The following FGF14 variants were observed in gnomAD, a reference collection of about 807,000 sequenced individuals.
FGF14 encodes the protein fibroblast growth factor 14, also known as fibroblast growth factor homologous factor 4.
Under a neutral mutation model 25.5 loss-of-function variants are expected in FGF14, and 5 were observed. The observed-to-expected ratio is 0.20, with a 90% confidence interval of 0.10 to 0.41. The LOEUF (loss-of-function observed/expected upper bound fraction) is 0.41, where lower values mean the gene tolerates loss of function less well. Among genes scored for constraint, FGF14 ranks in the 10% least tolerant of loss-of-function variants. FGF14 has a pLI of 1.00. For missense variants in FGF14, 222 were observed against 320.1 expected, an observed-to-expected ratio of 0.69 and a Z score of 2.34; for synonymous variants, 138 against 118.3, an observed-to-expected ratio of 1.17 and a Z score of -1.08.
At chr13:101,890,403 A>G (rs2138882506) in intron 1 of FGF14, among the ~76,000 whole-genome samples, 1 of 152,190 alleles carries the variant, frequency 6.6e-6, no homozygotes, top group South Asian at 2.1e-4. Context: ...GACTTGTAAA[A>G]ACCTTTCTGT....
At chr13:102,195,861 G>A (rs532935386) in intron 1 of FGF14, among the ~76,000 whole-genome samples, 10 of 150,958 alleles carry the variant, frequency 6.6e-5, no homozygotes, top group Non-Finnish European at 1.2e-4. Context: ...AATGGCAGAT[G>A]TAAAGCTTAC....
intron 1 of FGF14, among the ~76,000 whole-genome samples, chr13:101,887,457 G>T (rs1338197803): frequency 1.3e-5 from 2 of 151,868 alleles, no homozygotes; most frequent in Admixed American, 1.3e-4. Context: ...GCAGCAACAT[G>T]GATGGAACTG....
At chr13:102,112,866 T>C (rs1385386136) in intron 1 of FGF14, among the ~76,000 whole-genome samples, 2 of 152,198 alleles carry the variant, frequency 1.3e-5, no homozygotes, top group African/African-American at 2.4e-5. Flanking sequence ...AATTTTCTCA[T>C]GGCTCTCTCA....
chr13:101,915,209 T>C (rs2033342969), intron 1 of FGF14, among the ~76,000 whole-genome samples: 2 of 152,176 alleles, frequency 1.3e-5, no homozygotes, highest in South Asian at 4.1e-4. Context: ...CAAGAAATTG[T>C]CCTTTTAAAA....
At chr13:102,226,023 C>A (rs996116447) in intron 1 of FGF14, among the ~76,000 whole-genome samples, 2 of 152,122 alleles carry the variant, frequency 1.3e-5, no homozygotes, top group Admixed American at 6.6e-5. Flanking sequence ...CAGTTGACAT[C>A]GACATTGACA....
At chr13:102,025,016 C>CAT (rs144976455) in intron 1 of FGF14, among the ~76,000 whole-genome samples, 29 of 150,348 alleles carry the variant, frequency 1.9e-4, no homozygotes, top group South Asian at 6.3e-4. Flanking sequence ...CACAGACATG[C>CAT]ATATATATAT....
At chr13:101,944,354 T>A (rs1460523258) in intron 1 of FGF14, among the ~76,000 whole-genome samples, 1 of 152,150 alleles carries the variant, frequency 6.6e-6, no homozygotes, top group Non-Finnish European at 1.5e-5. Context: ...TATTTACATA[T>A]TATTTTTTTC....
chr13:102,031,367 T>C (rs138134294), intron 1 of FGF14, among the ~76,000 whole-genome samples: 21 of 152,236 alleles, frequency 1.4e-4, no homozygotes, highest in African/African-American at 4.8e-4. Flanking sequence ...TAGGTTTCCT[T>C]ATGCACTTAT....
chr13:101,839,414 G>C (rs138273022), intron 3 of FGF14, among the ~76,000 whole-genome samples: 1 of 152,110 alleles, frequency 6.6e-6, no homozygotes, highest in East Asian at 1.9e-4. Context: ...GATTGGGTTT[G>C]GGCCAATTAT....
chr13:101,757,344 AGGG>A (rs1447120271), intron 3 of FGF14, among the ~76,000 whole-genome samples: 3 of 152,066 alleles, frequency 2.0e-5, no homozygotes, highest in Non-Finnish European at 4.4e-5. Flanking sequence ...TTGGGAGAAA[AGGG>A]GGGAATATAT....
intron 1 of FGF14, among the ~76,000 whole-genome samples, chr13:102,361,606 T>C (rs78259693): frequency 3.8e-4 from 58 of 152,288 alleles, no homozygotes; most frequent in Non-Finnish European, 7.5e-4. Flanking sequence ...CGTTTGCCAC[T>C]CCCTCCTTAT....
chr13:102,155,727 G>T (rs996329804), intron 1 of FGF14, among the ~76,000 whole-genome samples: 24 of 151,668 alleles, frequency 1.6e-4, no homozygotes, highest in Non-Finnish European at 2.5e-4. Flanking sequence ...CCAGGAGCTG[G>T]TTTTTTTAAA....
At chr13:102,174,638 T>C (rs900851271) in intron 1 of FGF14, among the ~76,000 whole-genome samples, 1 of 152,098 alleles carries the variant, frequency 6.6e-6, no homozygotes, top group Non-Finnish European at 1.5e-5. Flanking sequence ...TCGTGGATAA[T>C]GGAGATCATA....
intron 1 of FGF14, among the ~76,000 whole-genome samples, chr13:102,179,256 G>A (rs1160808101): frequency 6.6e-6 from 1 of 152,078 alleles, no homozygotes; most frequent in Non-Finnish European, 1.5e-5. Context: ...TGTCAGCAGA[G>A]CATGGCCCTG....
intron 1 of FGF14, among the ~76,000 whole-genome samples, chr13:101,935,426 G>T (rs2035033288): frequency 2.0e-5 from 3 of 152,290 alleles, no homozygotes; most frequent in Admixed American, 1.3e-4. Flanking sequence ...ACCTTGAATT[G>T]CAGTTCCCAT....
At chr13:102,130,390 C>G (rs188814666) in intron 1 of FGF14, among the ~76,000 whole-genome samples, 34 of 152,190 alleles carry the variant, frequency 2.2e-4, no homozygotes, top group African/African-American at 6.5e-4. Context: ...CATCTTTGCC[C>G]GAAATGATGG....
chr13:102,011,295 TA>T lies in FGF14; in HGVS notation c.209-136000del, dbSNP rs374687963. 7.5e-3 allele frequency among the ~76,000 whole-genome samples: 1,145 copies of T among 152,300 alleles called. 17 individuals carry two copies. Among genetic ancestry groups the T allele is most frequent in the African/African-American group, 0.026 (1,073 of 41,564 alleles). On this transcript the variant is annotated intron_variant, in intron 1 of 4. Coordinates refer to the FGF14 transcript ENST00000376131. ...TTCCAACAAAATGTACCCAATATATTAAAAAACTGATCTACAATCCATATTC... is the reference window on the plus strand; with the variant it reads ...TTCCAACAAAATGTACCCAATATATTAAAAACTGATCTACAATCCATATTC...
chr13:101,899,296 G>A (rs925519616), intron 1 of FGF14, among the ~76,000 whole-genome samples: 2 of 151,772 alleles, frequency 1.3e-5, no homozygotes, highest in East Asian at 1.9e-4. Flanking sequence ...TACTGAAATT[G>A]CCAAAGATAC....
intron 3 of FGF14, among the ~76,000 whole-genome samples, chr13:101,805,640 TATATA>T (rs2041153333): frequency 1.3e-5 from 2 of 152,150 alleles, no homozygotes; most frequent in Admixed American, 1.3e-4. Flanking sequence ...GAAATATGGC[TATATA>T]ATATTCTTTT....
Sources: gnomAD v4.1 joint callset for allele counts (sites outside exome capture counted in the v4.1 genomes callset) on GRCh38, gnomAD v4.1.1 for gene constraint, MANE v1.5 for transcripts, NCBI Gene and HGNC (gene_info 2026-07-23, HGNC 2026-07-21) for gene names.